PHIP: variants seen among roughly 807,000 people sequenced by gnomAD.
PHIP encodes the protein PHIP subunit of CUL4-Ring ligase complex.
PHIP carries 54 observed loss-of-function variants against 236.8 expected under a neutral mutation model. The ratio of observed to expected loss-of-function variants is 0.23; its 90% CI spans 0.18 to 0.29. The LOEUF is 0.29. Among genes scored for constraint, PHIP ranks in the 10% least tolerant of loss-of-function variants. PHIP has a pLI of 1.00. For missense variants in PHIP, 1,370 were observed against 2,190.8 expected (o/e 0.63, Z 7.48); for synonymous variants, 756 against 718.9 (o/e 1.05, Z -0.83).
At chr6:79,021,520 T>A (rs892276853) in intron 9 of PHIP, among the ~76,000 whole-genome samples, 2 of 152,184 alleles carry the variant, frequency 1.3e-5, no homozygotes, top group East Asian at 3.8e-4. Flanking sequence ...GTGGTACTTA[T>A]ACACAATGGA....
rs184544342 is a variant in PHIP at position 79,029,784 on chromosome 6, C to G, written c.601-3620G>C. 2.0e-4 allele frequency among the ~76,000 whole-genome samples: 31 copies of G among 152,208 alleles called. No homozygotes were observed. The East Asian group carries it at 5.0e-3, about 25-fold the overall frequency. On this transcript the variant is annotated intron_variant, in intron 7 of 39. Coordinates refer to ENST00000275034, the MANE Select transcript of PHIP (RefSeq NM_017934.7). ...GCCTCAAGTAATCCACCCACCTTGGCCTCCCAACGTGCTGGGATTACAGGC... is the reference window on the plus strand; with the variant it reads ...GCCTCAAGTAATCCACCCACCTTGGGCTCCCAACGTGCTGGGATTACAGGC...
At chr6:78,986,594 T>C (rs1768881312) in intron 21 of PHIP, among the ~76,000 whole-genome samples, 1 of 152,204 alleles carries the variant, frequency 6.6e-6, no homozygotes, top group Non-Finnish European at 1.5e-5. Flanking sequence ...CAGGTCACTT[T>C]AGTCCAAACC....
intron 6 of PHIP, among the ~76,000 whole-genome samples, chr6:79,049,714 A>T (rs1402985926): frequency 3.3e-5 from 5 of 152,158 alleles, no homozygotes; most frequent in Admixed American, 1.3e-4. Flanking sequence ...CCAATTTTAG[A>T]TGATAATTAG....
At chr6:78,976,590 C>A (rs1414183199) in intron 24 of PHIP, among the ~76,000 whole-genome samples, 1 of 139,412 alleles carries the variant, frequency 7.2e-6, no homozygotes, top group African/African-American at 2.6e-5. Flanking sequence ...GAACAGGCAA[C>A]CTACAAAATG....
At chr6:79,008,798 G>A (rs563020847) in intron 15 of PHIP, among the ~76,000 whole-genome samples, 59 of 152,102 alleles carry the variant, frequency 3.9e-4, no homozygotes, top group African/African-American at 1.4e-3. Flanking sequence ...GTAGTTCAAC[G>A]CAATAAACAT....
intron 6 of PHIP, among the ~76,000 whole-genome samples, chr6:79,048,057 C>T (rs974916220): frequency 3.3e-5 from 5 of 150,616 alleles, no homozygotes; most frequent in African/African-American, 7.3e-5. Context: ...TATTTATATG[C>T]CAATACCAAA....
chr6:79,041,913 T>C (rs900261832), intron 7 of PHIP, among the ~76,000 whole-genome samples: 1 of 152,032 alleles, frequency 6.6e-6, no homozygotes, highest in African/African-American at 2.4e-5. Flanking sequence ...GGAGAAGTAG[T>C]AGGTATAAAT....
intron 10 of PHIP, among the ~76,000 whole-genome samples, chr6:79,017,948 T>A (rs1385315942): frequency 2.6e-5 from 4 of 151,940 alleles, no homozygotes; most frequent in African/African-American, 9.7e-5. Flanking sequence ...GTCAAAATCT[T>A]ATCAAACTTT....
In PHIP at chr6:79,054,386, T is replaced by C. The variant is rs537514167; in HGVS notation, c.439+6092A>G. ...TATAAAACCTTTATAAGACTAAAAT[T>C]ATGACTAGAAAAACAGAAAATGAGC... On this transcript the variant is annotated intron_variant, in intron 6 of 39. Coordinates refer to ENST00000275034, the MANE Select transcript of PHIP (RefSeq NM_017934.7). 3.7e-4 allele frequency among the ~76,000 whole-genome samples: 55 copies of C among 148,228 alleles called. No homozygotes were observed. In the South Asian group the frequency reaches 0.011, roughly 31 times the overall value.
intron 9 of PHIP, among the ~76,000 whole-genome samples, chr6:79,022,125 G>C (rs565629749): frequency 6.6e-6 from 1 of 152,200 alleles, no homozygotes; most frequent in South Asian, 2.1e-4. Flanking sequence ...TTTAAAAAGG[G>C]CCTTGGGCCG....
chr6:78,985,307 A>G (rs1480378418), intron 22 of PHIP, 45 bp downstream of exon 22: 7 of 1,077,410 alleles, frequency 6.5e-6, no homozygotes, highest in African/African-American at 1.6e-5. Context: ...ACACCTTTCT[A>G]AAGACTTTAT....
chr6:79,001,915 C>T lies in PHIP; in HGVS notation c.1863G>A (p.Met621Ile), dbSNP rs1481408084. The T allele has an allele frequency of 6.2e-7, 1 of 1,609,538 alleles. No homozygotes were observed. Among genetic ancestry groups the T allele is most frequent in the Admixed American group, 1.7e-5 (1 of 59,876 alleles). Residue 621 changes from methionine (M) to isoleucine (I), a missense_variant, in exon 17 of 40, where the codon ATG (methionine) becomes ATA (isoleucine). By Grantham distance (10) the Met-to-Ile change is conservative. This residue lies in a region of PHIP where 133 missense variants were observed against 245.2 expected (regional missense o/e 0.54). Transcript: ENST00000275034. The stretch of plus-strand genomic sequence containing the variant: ...AGCACCTACCTGAGGAAGTTACTCC[C>T]ATCTGAGGGATGAGTTGCTCCTCCC... ...NCREEQLIPQ[M>I]GVTSSGLNQV...
intron 6 of PHIP, among the ~76,000 whole-genome samples, chr6:79,046,406 T>G (rs867653143): frequency 6.6e-6 from 1 of 152,206 alleles, no homozygotes; most frequent in Admixed American, 6.5e-5. Context: ...TATTTGCTCT[T>G]CATCTATCAC....
intron 12 of PHIP, 77 bp from the exon 13 acceptor site, chr6:79,016,719 G>T (rs1770848290): frequency 3.6e-6 from 3 of 832,542 alleles, no homozygotes; most frequent in Admixed American, 4.6e-5. Context: ...CAGAGATCTT[G>T]TTTAAAAAGA....
intron 35 of PHIP, among the ~76,000 whole-genome samples, chr6:78,953,954 C>T (rs1233894415): frequency 6.6e-6 from 1 of 152,144 alleles, no homozygotes. Flanking sequence ...ATTTAGATTG[C>T]TATGATTGCA....
chr6:78,992,286 T>C (rs1481364717), intron 19 of PHIP, among the ~76,000 whole-genome samples: 1 of 152,082 alleles, frequency 6.6e-6, no homozygotes, highest in African/African-American at 2.4e-5. Context: ...TTTGCAAAAC[T>C]TTGTATCCTT....
chr6:78,957,125 G>C (rs1460990599), intron 32 of PHIP: 2 of 152,010 alleles, frequency 1.3e-5, no homozygotes, highest in Non-Finnish European at 2.9e-5. Flanking sequence ...AGTATTTCAT[G>C]AATCTGACTT....
At chr6:78,970,293 G>A in intron 25 of PHIP, 120 bp from the exon 26 acceptor site, 1 of 751,024 alleles carries the variant, frequency 1.3e-6, no homozygotes, top group South Asian at 1.9e-5. Flanking sequence ...TGATGACTGT[G>A]TACATGTAAA....
chr6:78,938,684 A>G lies in PHIP; in HGVS notation c.*2009T>C, dbSNP rs1415265039. ...CTGAATTTTAATTTTATAGTTAAAT[A>G]TATTTGTTAGAAAAAAATAAATATA... On this transcript the variant is annotated 3_prime_UTR_variant, in exon 40 of 40. Coordinates refer to ENST00000275034, the MANE Select transcript of PHIP (RefSeq NM_017934.7). 6.6e-6 allele frequency: 1 copy of G among 151,678 alleles called. No homozygotes were observed. The highest frequency in any genetic ancestry group is 1.5e-5 in the Non-Finnish European group (1 of 67,652). The allele number at this position is 151,678 out of a possible 1,614,324, so 9.4% of individuals were successfully genotyped here.
Sources: allele counts gnomAD v4.1 joint callset (sites outside exome capture counted in the v4.1 genomes callset), GRCh38; gene constraint gnomAD v4.1.1; regional missense constraint gnomAD v4.1.1; transcripts MANE v1.5; gene names NCBI Gene and HGNC (gene_info 2026-07-23, HGNC 2026-07-21).